Variants in WFDC11 observed in about 807,000 individuals in gnomAD.
The protein encoded by WFDC11 is protein WFDC11.
WFDC11 carries 9 observed loss-of-function variants against 9.9 expected under a neutral mutation model. That is an observed-to-expected ratio of 0.91 (90% CI 0.55 to 1.58). The LOEUF (loss-of-function observed/expected upper bound fraction) is 1.58, where lower values mean the gene tolerates loss of function less well. Ranked by LOEUF, WFDC11 falls within the 40% of genes most tolerant of loss-of-function variation. The pLI is 0.00. For synonymous variants in WFDC11, 32 were observed against 33.3 expected (o/e 0.96, Z 0.13); for missense variants, 106 against 101.7 (o/e 1.04, Z -0.18).
At chr20:45,651,054 C>T (rs1390290761) in intron 2 of WFDC11, among the ~76,000 whole-genome samples, 1 of 152,160 alleles carries the variant, frequency 6.6e-6, no homozygotes, top group African/African-American at 2.4e-5. Flanking sequence ...TTTTCTGCTC[C>T]TCTCCCTCCT....
At chr20:45,666,684 A>C (rs984369862) in intron 2 of WFDC11, among the ~76,000 whole-genome samples, 2 of 152,234 alleles carry the variant, frequency 1.3e-5, no homozygotes, top group Non-Finnish European at 2.9e-5. Context: ...ATGAGTATTA[A>C]ATTTTATCAC....
chr20:45,663,873 C>T (rs926653984), intron 2 of WFDC11, among the ~76,000 whole-genome samples: 11 of 152,000 alleles, frequency 7.2e-5, no homozygotes, highest in African/African-American at 9.7e-5. Flanking sequence ...AGAATAAGTG[C>T]GATGTGGTGC....
chr20:45,652,462 A>C (rs1982829625), intron 2 of WFDC11, among the ~76,000 whole-genome samples: 1 of 152,222 alleles, frequency 6.6e-6, no homozygotes, highest in Admixed American at 6.5e-5. Flanking sequence ...CCAAAGGTAG[A>C]TAAAACCACA....
intron 2 of WFDC11, among the ~76,000 whole-genome samples, chr20:45,658,010 G>A (rs1982973632): frequency 6.6e-6 from 1 of 151,946 alleles, no homozygotes; most frequent in African/African-American, 2.4e-5. Context: ...AATTATATAA[G>A]CTTGCTGTTA....
intron 2 of WFDC11, among the ~76,000 whole-genome samples, chr20:45,658,079 G>C (rs1982975331): frequency 6.6e-6 from 1 of 151,912 alleles, no homozygotes; most frequent in Non-Finnish European, 1.5e-5. Context: ...CTATTTATAG[G>C]ACATATTTAA....
intron 2 of WFDC11, among the ~76,000 whole-genome samples, chr20:45,655,753 G>A (rs1438509270): frequency 1.3e-5 from 2 of 152,042 alleles, no homozygotes; most frequent in South Asian, 2.1e-4. Context: ...TACAAAATCA[G>A]TATTCAAAAA....
chr20:45,655,954 A>T (rs992220097), intron 2 of WFDC11, among the ~76,000 whole-genome samples: 4 of 152,210 alleles, frequency 2.6e-5, no homozygotes, highest in African/African-American at 9.6e-5. Flanking sequence ...AAATGGAATA[A>T]CATTCCATGC....
intron 2 of WFDC11, among the ~76,000 whole-genome samples, chr20:45,655,792 GACAA>G (rs1429177821): frequency 1.3e-4 from 20 of 152,212 alleles, no homozygotes; most frequent in Non-Finnish European, 2.4e-4. Context: ...ACCAATAACA[GACAA>G]ACAGAGAGCC....
intron 2 of WFDC11, among the ~76,000 whole-genome samples, chr20:45,662,882 T>G (rs1461805908): frequency 2.0e-5 from 3 of 152,220 alleles, no homozygotes; most frequent in Non-Finnish European, 2.9e-5. Flanking sequence ...TAAAATTATC[T>G]TTTATTGTAG....
intron 1 of WFDC11, among the ~76,000 whole-genome samples, chr20:45,668,586 AAT>A (rs1182638289): frequency 1.3e-5 from 2 of 152,218 alleles, no homozygotes; most frequent in Non-Finnish European, 2.9e-5. Flanking sequence ...AAAATATGAA[AAT>A]GACAATTAAA....
At chr20:45,650,464 C>T (rs77259065) in intron 3 of WFDC11, 37 bp downstream of exon 3, 2 of 1,557,066 alleles carry the variant, frequency 1.3e-6, no homozygotes, top group Non-Finnish European at 1.8e-6. Flanking sequence ...CAAGCTCATC[C>T]CCCTCCTGTG....
chr20:45,657,826 A>T (rs1165228407), intron 2 of WFDC11, among the ~76,000 whole-genome samples: 1 of 152,210 alleles, frequency 6.6e-6, no homozygotes, highest in African/African-American at 2.4e-5. Context: ...GCCCAACAGT[A>T]AGCTAATGTT....
chr20:45,653,185 C>T (rs1008061384), intron 2 of WFDC11, among the ~76,000 whole-genome samples: 18 of 152,184 alleles, frequency 1.2e-4, no homozygotes, highest in East Asian at 9.7e-4. Context: ...AGAGAAAGGT[C>T]GGGTTACCCA....
At chr20:45,662,630 C>T (rs562600298) in intron 2 of WFDC11, among the ~76,000 whole-genome samples, 3 of 151,964 alleles carry the variant, frequency 2.0e-5, no homozygotes, top group African/African-American at 7.2e-5. Flanking sequence ...TAGCATGAAG[C>T]GTTGTTGAAT....
At chr20:45,664,941 C>T (rs1204301487) in intron 2 of WFDC11, among the ~76,000 whole-genome samples, 1 of 152,114 alleles carries the variant, frequency 6.6e-6, no homozygotes, top group African/African-American at 2.4e-5. Flanking sequence ...TCTCGTATTT[C>T]CTGAATTTGA....
At chr20:45,666,257 C>A (rs558683956) in intron 2 of WFDC11, among the ~76,000 whole-genome samples, 14 of 152,348 alleles carry the variant, frequency 9.2e-5, no homozygotes, top group Admixed American at 9.1e-4. Context: ...TCTTTGTCTG[C>A]CAGTTGCTAA....
At chr20:45,668,562 G>A (rs1983233056) in intron 1 of WFDC11, among the ~76,000 whole-genome samples, 1 of 151,934 alleles carries the variant, frequency 6.6e-6, no homozygotes, top group Admixed American at 6.6e-5. Flanking sequence ...CATGCTTAGT[G>A]CATAAATTTT....
chr20:45,669,803 A>G (rs992396481), intron 1 of WFDC11, among the ~76,000 whole-genome samples: 1 of 152,182 alleles, frequency 6.6e-6, no homozygotes, highest in Non-Finnish European at 1.5e-5. Flanking sequence ...CTAGTAGAAG[A>G]AAAGAAATAA....
chr20:45,667,620 T>G (rs1391435653), intron 1 of WFDC11, among the ~76,000 whole-genome samples: 1 of 152,212 alleles, frequency 6.6e-6, no homozygotes, highest in Non-Finnish European at 1.5e-5. Flanking sequence ...CCAAGAGGGC[T>G]TCGAAAATAT....
Sources: gnomAD v4.1 joint callset for allele counts (sites outside exome capture counted in the v4.1 genomes callset) on GRCh38, gnomAD v4.1.1 for gene constraint, MANE v1.5 for transcripts, NCBI Gene and HGNC (gene_info 2026-07-23, HGNC 2026-07-21) for gene names.